CADM2: variants seen among roughly 807,000 people sequenced by gnomAD.
CADM2 encodes the protein cell adhesion molecule 2.
CADM2 carries 12 observed loss-of-function variants against 49.8 expected under a neutral mutation model. That is an observed-to-expected ratio of 0.24 (90% CI 0.15 to 0.39). The LOEUF is 0.39. Among genes scored for constraint, CADM2 ranks in the 10% least tolerant of loss-of-function variants. CADM2 has a pLI of 1.00. For synonymous variants in CADM2, 214 were observed against 175.4 expected, an observed-to-expected ratio of 1.22 and a Z score of -1.74; for missense variants, 378 against 492.3, an observed-to-expected ratio of 0.77 and a Z score of 2.20.
At chr3:85,525,463 C>G (rs779548480) in intron 1 of CADM2, among the ~76,000 whole-genome samples, 3 of 152,070 alleles carry the variant, frequency 2.0e-5, no homozygotes, top group Non-Finnish European at 2.9e-5. Flanking sequence ...TATTCTTGGT[C>G]GTGACTATTT....
intron 3 of CADM2, among the ~76,000 whole-genome samples, chr3:85,859,207 G>A (rs910779424): frequency 7.3e-5 from 10 of 136,430 alleles, no homozygotes; most frequent in Admixed American, 6.6e-4. Context: ...GCTACCTTGT[G>A]CTTTTCTTTT....
chr3:85,961,983 C>G (rs986355098), intron 8 of CADM2, among the ~76,000 whole-genome samples: 1 of 151,796 alleles, frequency 6.6e-6, no homozygotes, highest in African/African-American at 2.4e-5. Context: ...GTTGCCCAGG[C>G]TGGAGTGCAG....
At chr3:85,882,683 G>A (rs1012620048) in intron 3 of CADM2, among the ~76,000 whole-genome samples, 3 of 152,186 alleles carry the variant, frequency 2.0e-5, no homozygotes, top group Non-Finnish European at 4.4e-5. Flanking sequence ...CTGTGAAACT[G>A]AGTGTCTTGT....
In CADM2 at chr3:86,020,532, A is replaced by C. The variant is rs1437012695; in HGVS notation, c.971-45073A>C. Among the ~76,000 whole-genome samples, 17 of 151,280 alleles carry C rather than the reference A, an allele frequency of 1.1e-4. No individual in the cohort carries two copies. The East Asian group carries it at 2.3e-3, about 21-fold the overall frequency. ...TACCAAAGCCAGGCAGAGACACAAC[A>C]AAAAAAGAGAATTTTAGACCAATAT... On this transcript the variant is annotated intron_variant, in intron 8 of 9. Transcript: ENST00000383699.
At chr3:85,733,333 A>C (rs1329315558) in intron 2 of CADM2, among the ~76,000 whole-genome samples, 1 of 152,230 alleles carries the variant, frequency 6.6e-6, no homozygotes, top group African/African-American at 2.4e-5. Context: ...CCAGTGGGTC[A>C]AAATATAAGT....
intron 8 of CADM2, among the ~76,000 whole-genome samples, chr3:86,053,817 C>T (rs1488747121): frequency 6.6e-6 from 1 of 151,778 alleles, no homozygotes; most frequent in Non-Finnish European, 1.5e-5. Context: ...TGAGTTTATG[C>T]TTATTTAATA....
chr3:85,821,851 C>T (rs1016105945), intron 3 of CADM2, among the ~76,000 whole-genome samples: 5 of 151,934 alleles, frequency 3.3e-5, no homozygotes, highest in Non-Finnish European at 7.4e-5. Flanking sequence ...CAAGTTTCAG[C>T]TTATTATTAG....
At chr3:85,655,351 C>A (rs1314814414) in intron 1 of CADM2, among the ~76,000 whole-genome samples, 2 of 151,904 alleles carry the variant, frequency 1.3e-5, no homozygotes, top group Non-Finnish European at 2.9e-5. Context: ...AGTAGAGATG[C>A]AGTTTCACCA....
intron 1 of CADM2, among the ~76,000 whole-genome samples, chr3:85,358,016 A>G (rs1450642435): frequency 6.6e-6 from 1 of 152,112 alleles, no homozygotes; most frequent in African/African-American, 2.4e-5. Flanking sequence ...CTACAAATGT[A>G]TTTGTATGGA....
intron 1 of CADM2, among the ~76,000 whole-genome samples, chr3:85,541,196 C>T (rs1201779603): frequency 6.6e-6 from 1 of 150,502 alleles, no homozygotes; most frequent in Non-Finnish European, 1.5e-5. Flanking sequence ...ATATATTAGC[C>T]AATTTGGCAC....
At chr3:85,881,361 T>G (rs1278387697) in intron 3 of CADM2, among the ~76,000 whole-genome samples, 1 of 152,148 alleles carries the variant, frequency 6.6e-6, no homozygotes, top group East Asian at 1.9e-4. Context: ...TGTCAAAAAT[T>G]TCAATATTTG....
chr3:85,675,510 A>C (rs549886041), intron 1 of CADM2, among the ~76,000 whole-genome samples: 29 of 152,264 alleles, frequency 1.9e-4, no homozygotes, highest in African/African-American at 6.5e-4. Flanking sequence ...GATTTTTAGA[A>C]GCTAAGTGAT....
intron 1 of CADM2, among the ~76,000 whole-genome samples, chr3:85,280,716 T>C (rs561419170): frequency 2.0e-5 from 3 of 152,006 alleles, no homozygotes; most frequent in African/African-American, 4.8e-5. Flanking sequence ...AGTAATCTAA[T>C]TGGTTTTGGG....
chr3:85,783,481 G>A (rs1425475895), intron 2 of CADM2, among the ~76,000 whole-genome samples: 2 of 152,168 alleles, frequency 1.3e-5, no homozygotes, highest in South Asian at 2.1e-4. Flanking sequence ...GGTCCAGACA[G>A]TAGAAACATC....
At chr3:85,843,896 G>GT (rs1196627181) in intron 3 of CADM2, among the ~76,000 whole-genome samples, 2 of 140,484 alleles carry the variant, frequency 1.4e-5, no homozygotes, top group East Asian at 1.9e-4. Context: ...GTATGTGTGT[G>GT]TGGGGGGGGA....
chr3:85,994,540 G>A (rs1729139231), intron 8 of CADM2: 1 of 152,206 alleles, frequency 6.6e-6, no homozygotes, highest in Admixed American at 6.5e-5. Flanking sequence ...ACTGGCACAA[G>A]ACGTGTAGCT....
chr3:85,150,884 G>C (rs78122814), intron 1 of CADM2, among the ~76,000 whole-genome samples: 1 of 151,220 alleles, frequency 6.6e-6, no homozygotes, highest in African/African-American at 2.4e-5. Flanking sequence ...ACTCCAGCCC[G>C]GGCGACAATG....
chr3:85,094,005 A>G lies in CADM2; in HGVS notation c.61+134337A>G, dbSNP rs533850650. 3.9e-4 allele frequency among the ~76,000 whole-genome samples: 60 copies of G among 152,200 alleles called. 1 individual carries two copies. The highest frequency in any genetic ancestry group is 1.4e-3 in the African/African-American group (59 of 41,542). ...AGATGAATCTCTAAGTGATATCCCCATTTGTACACTAGTGTAATAGGTTTC... is the reference window on the plus strand; with the variant it reads ...AGATGAATCTCTAAGTGATATCCCCGTTTGTACACTAGTGTAATAGGTTTC... On this transcript the variant is annotated intron_variant, in intron 1 of 9. Coordinates refer to ENST00000383699, the MANE Select transcript of CADM2 (RefSeq NM_001167675.2).
chr3:85,076,993 A>G (rs2036971164), intron 1 of CADM2, among the ~76,000 whole-genome samples: 1 of 152,118 alleles, frequency 6.6e-6, no homozygotes, highest in South Asian at 2.1e-4. Context: ...AACAATAATA[A>G]TAATAATTTC....
Sources: gnomAD v4.1 joint callset for allele counts (sites outside exome capture counted in the v4.1 genomes callset) on GRCh38, gnomAD v4.1.1 for gene constraint, MANE v1.5 for transcripts, NCBI Gene and HGNC (gene_info 2026-07-23, HGNC 2026-07-21) for gene names.